MYO15A: variants seen among roughly 807,000 people sequenced by gnomAD.
MYO15A encodes unconventional myosin-XV.
A neutral mutation model predicts 394.6 loss-of-function variants in MYO15A; 308 were observed. The observed-to-expected ratio is 0.78, with a 90% confidence interval of 0.71 to 0.86. The LOEUF is 0.86. Ranked by LOEUF, MYO15A falls within the 40% of genes least tolerant of loss-of-function variation. The pLI is 0.00. For missense variants in MYO15A, 4,606 were observed against 4,799.1 expected (o/e 0.96, Z 1.19); for synonymous variants, 1,957 against 2,003.8 (o/e 0.98, Z 0.62).
At chr17:18,178,394 G>T in intron 65 of MYO15A, 2 of 335,894 alleles carry the variant, frequency 6.0e-6, no homozygotes, top group Non-Finnish European at 5.8e-6. Flanking sequence ...GAATTTACAT[G>T]CAATAAAGCC....
In MYO15A at chr17:18,132,341, T is replaced by C. The variant is rs972477190; in HGVS notation, c.4207-112T>C. ...CATCACAGAGGCGCGTGTTCTCATCTGCAGCCCACTGTGTGCATGTGCACT... is the reference window on the plus strand; with the variant it reads ...CATCACAGAGGCGCGTGTTCTCATCCGCAGCCCACTGTGTGCATGTGCACT... On this transcript the variant is annotated intron_variant, in intron 10 of 65. Transcript: ENST00000647165. The surrounding 1 kb of genome is among the most constrained non-coding windows in gnomAD (Gnocchi z 4.6). 6 of 833,986 alleles carry C rather than the reference T, an allele frequency of 7.2e-6. No homozygotes were observed. In the African/African-American group the frequency reaches 1.0e-4, roughly 14 times the overall value. 51.7% of individuals were successfully genotyped at this position (833,986 alleles called of 1,614,324 possible).
chr17:18,111,556 G>A (rs1445622284), intron 1 of MYO15A, among the ~76,000 whole-genome samples: 2 of 152,218 alleles, frequency 1.3e-5, no homozygotes, highest in Non-Finnish European at 2.9e-5. Flanking sequence ...CTCTGTGCCT[G>A]CACAGAGGAT....
chr17:18,173,798 C>A lies in MYO15A; in HGVS notation c.10368C>A (p.Phe3456Leu). The stretch of plus-strand genomic sequence containing the variant: ...ACTCCCAGGAATTGATGGTGAAGTT[C>A]CCCCTGAAGGAGATCCAGTCGACGC... ...STETHELMVK[F>L]PLKEIQSTRT... The change falls in exon 65 of 66, where the codon TTC becomes TTA. Residue 3456 changes from phenylalanine (F) to leucine (L), a missense_variant. Physicochemically the swap from Phe to Leu is conservative, Grantham distance 22 (BLOSUM62 0). This residue lies in a region of MYO15A where 2,776 missense variants were observed against 3,109.3 expected (regional missense o/e 0.89). Transcript: ENST00000647165. 6.2e-7 allele frequency: 1 copy of A among 1,614,010 alleles called. No individual in the cohort carries two copies. Among genetic ancestry groups the A allele is most frequent in the Non-Finnish European group, 8.5e-7 (1 of 1,180,036 alleles).
intron 64 of MYO15A, among the ~76,000 whole-genome samples, chr17:18,172,991 C>A (rs2046963632): frequency 1.3e-5 from 2 of 152,084 alleles, no homozygotes; most frequent in Non-Finnish European, 2.9e-5. Flanking sequence ...GATTCCAGGG[C>A]AAGTGGTTGA....
chr17:18,125,670 A>T (rs1396879175), intron 4 of MYO15A: 1 of 152,970 alleles, frequency 6.5e-6, no homozygotes, highest in African/African-American at 3.0e-5. Context: ...GCGCCACTGC[A>T]CTCCAGCCTG....
Position 18,142,239 on chromosome 17 carries a change from G to T in MYO15A, c.5810G>T (p.Arg1937Leu). The stretch of plus-strand genomic sequence containing the variant: ...ATCATCCTGCTGCAAAGCCGGGCCC[G>T]TGGCTACCTTGCCAGGTGAGGCACA... ...HKIILLQSRA[R>L]GYLARQRYQQ... The change falls in exon 24 of 66, where the codon CGT becomes CTT. Residue 1937 changes from arginine to leucine, a missense_variant. This residue lies in a region of MYO15A where 2,776 missense variants were observed against 3,109.3 expected (regional missense o/e 0.89). Transcript: ENST00000647165. 6.2e-7 allele frequency: 1 copy of T among 1,612,738 alleles called. No individual in the cohort carries two copies. The highest frequency in any genetic ancestry group is 8.5e-7 in the Non-Finnish European group (1 of 1,179,836).
chr17:18,119,871 C>G lies in MYO15A; in HGVS notation c.1071C>G (p.Asp357Glu), dbSNP rs746940402. Residue 357 changes from aspartate to glutamate, a missense_variant, in exon 2 of 66, where the codon GAC becomes GAG. Coordinates refer to ENST00000647165, the MANE Select transcript of MYO15A (RefSeq NM_016239.4). ...APYDAPYPPY[D>E]LPYHTPYDVP... is the part of the protein sequence containing the mutation. Reference sequence around the variant, plus strand: ...ACGACGCGCCATACCCACCCTATGACCTCCCATACCACACTCCCTACGATG... The same window carrying G: ...ACGACGCGCCATACCCACCCTATGAGCTCCCATACCACACTCCCTACGATG... 4 of 1,613,214 alleles carry G rather than the reference C, an allele frequency of 2.5e-6. No individual in the cohort carries two copies. The South Asian group carries it at 4.4e-5, about 18-fold the overall frequency.
Position 18,119,173 on chromosome 17 carries a change from C to T in MYO15A, c.373C>T (p.Arg125Trp), listed in dbSNP as rs772227393. The change falls in exon 2 of 66, where the codon CGG becomes TGG. Residue 125 changes from arginine to tryptophan, a missense_variant. Around this residue, in one of 2 missense-constraint regions of MYO15A, gnomAD observed 1,830 missense variants for 1,689.7 expected, o/e 1.08. Transcript: ENST00000647165. ...CTACGGCCGCCTGCGGCCGCGCGCC[C>T]GGTCACTCAGCAAAGCGTCCACGGC... is the stretch of plus-strand genomic sequence containing the variant. ...RGYGRLRPRA[R>W]SLSKASTAIN... 5 of 1,612,332 alleles carry T rather than the reference C, an allele frequency of 3.1e-6. No homozygotes were observed. The highest frequency in any genetic ancestry group is 4.5e-5 in the East Asian group (2 of 44,856).
intron 57 of MYO15A, among the ~76,000 whole-genome samples, chr17:18,161,705 T>G (rs2142400171): frequency 6.6e-6 from 1 of 152,002 alleles, no homozygotes; most frequent in Non-Finnish European, 1.5e-5. Context: ...GATTTCCAGG[T>G]GGAGTGAGTG....
rs1185196487 is a variant in MYO15A, at chr17:18,156,241, G to C, written c.8506G>C (p.Glu2836Gln). The C allele has an allele frequency of 1.2e-6, 2 of 1,614,172 alleles. No homozygotes were observed. Among genetic ancestry groups the C allele is most frequent in the Non-Finnish European group, 8.5e-7 (1 of 1,180,024 alleles). ...GACCATGCCCTCCCAGAACATGCTG[G>C]AGTTCAACCTGGCCAGTGAGAAGGT... ...FVTMPSQNMLEFNLASEKVIL... is the reference protein window; with the variant it reads ...FVTMPSQNMLQFNLASEKVIL... Residue 2836 changes from glutamate (E) to glutamine (Q), a missense_variant, in exon 48 of 66, where the codon GAG (glutamate) becomes CAG (glutamine). Around this residue, in one of 2 missense-constraint regions of MYO15A, gnomAD observed 2,776 missense variants for 3,109.3 expected, o/e 0.89. Transcript: ENST00000647165.
rs1394733750 is a variant in MYO15A, at chr17:18,121,601, C to A, written c.2801C>A (p.Pro934His). 1.2e-6 allele frequency: 2 copies of A among 1,600,018 alleles called. No individual in the cohort carries two copies. The highest frequency in any genetic ancestry group is 1.1e-5 in the South Asian group (1 of 89,010). Residue 934 changes from proline to histidine, a missense_variant, in exon 2 of 66, where the codon CCT becomes CAT. Around this residue, in one of 2 missense-constraint regions of MYO15A, gnomAD observed 1,830 missense variants for 1,689.7 expected, o/e 1.08. Coordinates refer to ENST00000647165, the MANE Select transcript of MYO15A (RefSeq NM_016239.4). This position sits in a 1 kb window ranked among gnomAD's most constrained non-coding sequence, Gnocchi z 5.3. The stretch of plus-strand genomic sequence containing the variant: ...GCCCCCAGCTGGGACGTGGACATGC[C>A]TCCCACCCAACGCCCACCCTCCCCC... ...PLAPSWDVDM[P>H]PTQRPPSPWP...
Position 18,143,974 on chromosome 17 carries a change from G to C in MYO15A, c.6151G>C (p.Ala2051Pro). The C allele has an allele frequency of 6.2e-7, 1 of 1,613,480 alleles. No homozygotes were observed. The highest frequency in any genetic ancestry group is 8.5e-7 in the Non-Finnish European group (1 of 1,179,966). Residue 2051 changes from alanine (A) to proline (P), a missense_variant, in exon 28 of 66, where the codon GCC becomes CCC. Ala to Pro is a conservative substitution (Grantham distance 27). This residue lies in a region of MYO15A where 2,776 missense variants were observed against 3,109.3 expected (regional missense o/e 0.89). Coordinates refer to ENST00000647165, the MANE Select transcript of MYO15A (RefSeq NM_016239.4). ...CCTGGACATCAACAACTATCCTATG[G>C]CCAAGTTTGTCCAGTGCCACTTCAA... ...LPLDINNYPM[A>P]KFVQCHFKEP...
In MYO15A at chr17:18,138,077, G is replaced by A. The variant is rs767272266; in HGVS notation, c.4876-38G>A. On this transcript the variant is annotated intron_variant, in intron 16 of 65. Transcript: ENST00000647165. ...GGGAGGGTGGGTGGGCCCTGGACAG[G>A]GATGGGAGGTTGAGCTCCTGCTGCC... 7.5e-6 allele frequency: 12 copies of A among 1,602,308 alleles called. No homozygotes were observed. In the South Asian group the frequency reaches 1.2e-4, roughly 16 times the overall value.
At chr17:18,116,234 G>A (rs1416614509) in intron 1 of MYO15A, among the ~76,000 whole-genome samples, 1 of 152,242 alleles carries the variant, frequency 6.6e-6, no homozygotes, top group South Asian at 2.1e-4. Flanking sequence ...GCTCTGGTTT[G>A]CCCAGTGGCT....
chr17:18,138,576 G>C (rs542608913), intron 17 of MYO15A, among the ~76,000 whole-genome samples: 1 of 152,192 alleles, frequency 6.6e-6, no homozygotes, highest in Non-Finnish European at 1.5e-5. Flanking sequence ...GGCCTGGAGG[G>C]GAGGCAGTTA....
In MYO15A at chr17:18,138,159, T is replaced by C; in HGVS notation, c.4920T>C (p.Phe1640=). 6.2e-7 allele frequency: 1 copy of C among 1,613,598 alleles called. No individual in the cohort carries two copies. Among genetic ancestry groups the C allele is most frequent in the Non-Finnish European group, 8.5e-7 (1 of 1,180,018 alleles). The change falls in exon 17 of 66, where the codon TTT becomes TTC. Residue 1640 remains phenylalanine (F), a synonymous_variant. Transcript: ENST00000647165. ...REQIDWQEIT[F]ADNQPCINLI... is the part of the protein sequence containing the mutation. ...AGATAGACTGGCAGGAGATCACCTT[T>C]GCTGACAACCAGCCCTGCATCAACC...
chr17:18,137,967 G>T, intron 16 of MYO15A, 148 bp from the exon 17 acceptor site: 3 of 1,164,342 alleles, frequency 2.6e-6, no homozygotes, highest in Non-Finnish European at 3.6e-6. Flanking sequence ...GGCTCATGCT[G>T]CCTTATTAGG....
rs2045849352 is a variant in MYO15A at position 18,119,215 on chromosome 17, A to G, written c.415A>G (p.Lys139Glu). Residue 139 changes from lysine (K) to glutamate (E), a missense_variant, in exon 2 of 66, where the codon AAA becomes GAA. Coordinates refer to ENST00000647165, the MANE Select transcript of MYO15A (RefSeq NM_016239.4). ...GTCCACGGCCATCAACTGGCTCACAAAAAAGTTCCTCCTCAAGAAGGCCGA... is the reference window on the plus strand; with the variant it reads ...GTCCACGGCCATCAACTGGCTCACAGAAAAGTTCCTCCTCAAGAAGGCCGA... Reference protein sequence around the residue: ...KASTAINWLTKKFLLKKAEES... With the variant: ...KASTAINWLTEKFLLKKAEES... The G allele has an allele frequency of 1.9e-6, 3 of 1,612,360 alleles. No homozygotes were observed. Among genetic ancestry groups the G allele is most frequent in the Admixed American group, 1.7e-5 (1 of 60,002 alleles).
rs143611620 is a variant in MYO15A, at chr17:18,109,392, G to A, written c.-220+568G>A. The A allele has an allele frequency of 6.5e-3, 1,126 of 172,786 alleles. 10 individuals are homozygous for A. The highest frequency in any genetic ancestry group is 0.018 in the African/African-American group (764 of 42,660). The allele number at this position is 172,786 out of a possible 1,614,324, so 10.7% of individuals were successfully genotyped here. On this transcript the variant is annotated intron_variant, in intron 1 of 65. Coordinates refer to ENST00000647165, the MANE Select transcript of MYO15A (RefSeq NM_016239.4). The stretch of plus-strand genomic sequence containing the variant: ...GTTCCTGGGCTAGATCTGTGTGCGC[G>A]TGGATCAGGGCAGGCACTGCGGCTC...
Sources: gnomAD v4.1 joint callset for allele counts (sites outside exome capture counted in the v4.1 genomes callset) on GRCh38, gnomAD v4.1.1 for gene constraint, gnomAD v4.1.1 regional missense constraint, Gnocchi (gnomAD v3.1) non-coding constraint, MANE v1.5 for transcripts, NCBI Gene and HGNC (gene_info 2026-07-23, HGNC 2026-07-21) for gene names.